EPB41L4B: variants seen among roughly 807,000 people sequenced by gnomAD.
EPB41L4B encodes erythrocyte membrane protein band 4.1 like 4B.
A neutral mutation model predicts 112.5 loss-of-function variants in EPB41L4B; 30 were observed. That is an observed-to-expected ratio of 0.27 (90% CI 0.20 to 0.36). The LOEUF (loss-of-function observed/expected upper bound fraction) is 0.36, where lower values mean the gene tolerates loss of function less well. Ranked by LOEUF, EPB41L4B falls within the 10% of genes least tolerant of loss-of-function variation. The pLI, the probability that EPB41L4B is intolerant of heterozygous loss-of-function variation, is 1.00. For missense variants in EPB41L4B, 1,024 were observed against 1,133.3 expected, an observed-to-expected ratio of 0.90 and a Z score of 1.38; for synonymous variants, 408 against 439.7, an observed-to-expected ratio of 0.93 and a Z score of 0.90.
At chr9:109,216,656 A>T (rs1833380208) in intron 16 of EPB41L4B, among the ~76,000 whole-genome samples, 1 of 151,422 alleles carries the variant, frequency 6.6e-6, no homozygotes, top group African/African-American at 2.4e-5. Flanking sequence ...TCAAAAAAAA[A>T]AAAAAAGAAA....
At chr9:109,189,536 T>A (rs1219129452) in intron 22 of EPB41L4B, among the ~76,000 whole-genome samples, 1 of 152,258 alleles carries the variant, frequency 6.6e-6, no homozygotes, top group South Asian at 2.1e-4. Flanking sequence ...CTCTTTGGAC[T>A]GTGCTTCTTT....
chr9:109,176,536 G>A lies in EPB41L4B; in HGVS notation c.2633+15C>T, dbSNP rs772147162. ...TCACCAGAATTACCTGTCGGAACCT[G>A]CTGACCTGACCTACCTGGCTGCCAG... On this transcript the variant is annotated intron_variant, in intron 25 of 25. Coordinates refer to ENST00000374566, the MANE Select transcript of EPB41L4B (RefSeq NM_019114.5). The A allele has an allele frequency of 1.3e-6, 2 of 1,597,486 alleles. No homozygotes were observed. The highest frequency in any genetic ancestry group is 2.2e-5 in the South Asian group (2 of 89,074).
At chr9:109,219,811 AAAGTATTGTGAGTCT>A (rs1161775631) in intron 15 of EPB41L4B, among the ~76,000 whole-genome samples, 1 of 152,014 alleles carries the variant, frequency 6.6e-6, no homozygotes, top group Non-Finnish European at 1.5e-5. Flanking sequence ...TGGGCCCCTG[AAAGTATTGTGAGTCT>A]AAGTATTGTG....
chr9:109,245,270 A>C (rs1834510207), intron 14 of EPB41L4B, among the ~76,000 whole-genome samples: 1 of 152,216 alleles, frequency 6.6e-6, no homozygotes, highest in African/African-American at 2.4e-5. Flanking sequence ...CAATAGAGAA[A>C]GGCTGACCTA....
intron 15 of EPB41L4B, among the ~76,000 whole-genome samples, chr9:109,242,288 T>G (rs2118964011): frequency 6.6e-6 from 1 of 152,328 alleles, no homozygotes; most frequent in East Asian, 1.9e-4. Context: ...GGGGTGGGGC[T>G]GAGAATTTGC....
rs527903142 is a variant in EPB41L4B at position 109,245,820 on chromosome 9, G to A, written c.1344+1936C>T. ...AACACAAGACCTCTAAGATTGGCAA[G>A]GTCCAAAGGACCCGTGGTTGCCAAT... On this transcript the variant is annotated intron_variant, in intron 14 of 25. Transcript: ENST00000374566. Among the ~76,000 whole-genome samples the A allele has an allele frequency of 5.3e-5, 8 of 152,312 alleles. No homozygotes were observed. The East Asian group carries it at 1.2e-3, about 22-fold the overall frequency.
chr9:109,239,445 G>A (rs757768094), intron 15 of EPB41L4B, among the ~76,000 whole-genome samples: 62 of 152,182 alleles, frequency 4.1e-4, no homozygotes, highest in Non-Finnish European at 6.3e-4. Flanking sequence ...GGTTACAGAG[G>A]ATGGTTTCAG....
At chr9:109,192,513 T>A (rs1288249527) in intron 21 of EPB41L4B, among the ~76,000 whole-genome samples, 158 bp from the exon 22 acceptor site, 2 of 152,162 alleles carry the variant, frequency 1.3e-5, no homozygotes, top group African/African-American at 4.8e-5. Flanking sequence ...GTGTACAAAA[T>A]GTTGAGACTT....
At chr9:109,308,935 G>A (rs933343300) in intron 1 of EPB41L4B, among the ~76,000 whole-genome samples, 2 of 147,532 alleles carry the variant, frequency 1.4e-5, no homozygotes, top group Non-Finnish European at 3.0e-5. Flanking sequence ...AAAAATTAGC[G>A]CGTGGTGGCG....
chr9:109,228,172 A>G (rs1833846734), intron 15 of EPB41L4B, among the ~76,000 whole-genome samples: 1 of 152,198 alleles, frequency 6.6e-6, no homozygotes, highest in Admixed American at 6.5e-5. Flanking sequence ...TCAGTTTCTG[A>G]TAAATTCTAC....
chr9:109,180,887 T>G (rs560115512), intron 24 of EPB41L4B, among the ~76,000 whole-genome samples: 23 of 152,338 alleles, frequency 1.5e-4, no homozygotes, highest in Middle Eastern at 3.4e-3. Context: ...ATCTAATTGC[T>G]CATTATACAG....
intron 1 of EPB41L4B, among the ~76,000 whole-genome samples, chr9:109,292,647 T>C (rs1392171159): frequency 1.3e-5 from 2 of 152,174 alleles, no homozygotes; most frequent in Non-Finnish European, 2.9e-5. Flanking sequence ...GGTAGCCAAA[T>C]ACCTAAGGTG....
At chr9:109,178,648 G>T (rs567047677) in intron 24 of EPB41L4B, among the ~76,000 whole-genome samples, 2 of 151,588 alleles carry the variant, frequency 1.3e-5, no homozygotes, top group Admixed American at 1.3e-4. Context: ...CACCATGTTG[G>T]CCAGGCTGGT....
intron 1 of EPB41L4B, among the ~76,000 whole-genome samples, chr9:109,296,252 A>G (rs984692876): frequency 6.6e-6 from 1 of 152,216 alleles, no homozygotes; most frequent in African/African-American, 2.4e-5. Flanking sequence ...TATCTCGCAC[A>G]TGACGCTTCC....
intron 1 of EPB41L4B, among the ~76,000 whole-genome samples, chr9:109,306,002 G>A (rs1307577501): frequency 6.6e-6 from 1 of 152,142 alleles, no homozygotes; most frequent in African/African-American, 2.4e-5. Flanking sequence ...GGGACACTGG[G>A]GAGCTGCCAG....
chr9:109,176,781 C>T, intron 24 of EPB41L4B, 85 bp from the exon 25 acceptor site: 2 of 1,477,578 alleles, frequency 1.4e-6, no homozygotes, highest in Non-Finnish European at 1.9e-6. Context: ...CCTTACTCTA[C>T]AGTTCCTGTT....
At chr9:109,307,186 A>G (rs1315970226) in intron 1 of EPB41L4B, 2 of 471,928 alleles carry the variant, frequency 4.2e-6, no homozygotes, top group Non-Finnish European at 8.4e-6. Flanking sequence ...ATTATAGTAC[A>G]TACAATCCTT....
chr9:109,213,887 C>A, intron 16 of EPB41L4B, 69 bp from the exon 17 acceptor site: 1 of 1,404,344 alleles, frequency 7.1e-7, no homozygotes. Flanking sequence ...GGAAAAGGGA[C>A]ACTTGCCAGC....
chr9:109,177,456 T>C (rs545219503), intron 24 of EPB41L4B, among the ~76,000 whole-genome samples: 1 of 152,340 alleles, frequency 6.6e-6, no homozygotes, highest in South Asian at 2.1e-4. Context: ...GAGAGGATAA[T>C]ATATTCTTGT....
Sources: gnomAD v4.1 joint callset for allele counts (sites outside exome capture counted in the v4.1 genomes callset) on GRCh38, gnomAD v4.1.1 for gene constraint, MANE v1.5 for transcripts, NCBI Gene and HGNC (gene_info 2026-07-23, HGNC 2026-07-21) for gene names.